The following CLSTN2 variants were observed in gnomAD, a reference collection of about 807,000 sequenced individuals.
CLSTN2 encodes the protein calsyntenin 2.
CLSTN2 carries 48 observed loss-of-function variants against 101.2 expected under a neutral mutation model. That is an observed-to-expected ratio of 0.47 (90% CI 0.38 to 0.60). The LOEUF is 0.60. Among genes scored for constraint, CLSTN2 ranks in the 20% least tolerant of loss-of-function variants. The pLI is 0.00. For synonymous variants in CLSTN2, 481 were observed against 463.6 expected, an observed-to-expected ratio of 1.04 and a Z score of -0.48; for missense variants, 1,160 against 1,238.2, an observed-to-expected ratio of 0.94 and a Z score of 0.95.
At chr3:140,415,248 C>T (rs1463096756) in intron 4 of CLSTN2, among the ~76,000 whole-genome samples, 1 of 151,846 alleles carries the variant, frequency 6.6e-6, no homozygotes, top group African/African-American at 2.4e-5. Flanking sequence ...GAAGAAAATA[C>T]AGGGAGAAGG....
intron 1 of CLSTN2, among the ~76,000 whole-genome samples, chr3:140,002,570 T>C (rs1244663524): frequency 6.6e-6 from 1 of 152,206 alleles, no homozygotes; most frequent in Admixed American, 6.5e-5. Flanking sequence ...TTTGATGTGA[T>C]CTCATTGCTT....
intron 8 of CLSTN2, among the ~76,000 whole-genome samples, chr3:140,524,924 G>C (rs541838059): frequency 1.3e-5 from 2 of 152,282 alleles, no homozygotes; most frequent in South Asian, 4.1e-4. Flanking sequence ...ACTTACCAAA[G>C]TCTTTGGATG....
intron 10 of CLSTN2, among the ~76,000 whole-genome samples, chr3:140,547,474 A>T (rs1162685721): frequency 6.6e-6 from 1 of 151,830 alleles, no homozygotes; most frequent in Non-Finnish European, 1.5e-5. Flanking sequence ...ACTCCATCTT[A>T]AAAAAAAGAG....
intron 2 of CLSTN2, among the ~76,000 whole-genome samples, chr3:140,229,741 A>G (rs2086354367): frequency 6.6e-6 from 1 of 152,144 alleles, no homozygotes; most frequent in Non-Finnish European, 1.5e-5. Context: ...GGGCTGCATC[A>G]GACCCAGTTT....
chr3:140,296,439 A>G (rs571962579), intron 2 of CLSTN2, among the ~76,000 whole-genome samples: 267 of 152,372 alleles, frequency 1.8e-3, no homozygotes, highest in Non-Finnish European at 3.1e-3. Flanking sequence ...GCCCTAACAG[A>G]AAATGATACG....
chr3:140,265,006 G>GTGTGTGCTGGCCACATAAAGTATTA (rs2086683344), intron 2 of CLSTN2, among the ~76,000 whole-genome samples: 1 of 152,062 alleles, frequency 6.6e-6, no homozygotes, highest in African/African-American at 2.4e-5. Flanking sequence ...ATAAAGTATT[G>GTGTGTGCTGGCCACATAAAGTATTA]AGTGTGTGCT....
chr3:140,010,730 A>G (rs2007055485), intron 1 of CLSTN2, among the ~76,000 whole-genome samples: 1 of 152,194 alleles, frequency 6.6e-6, no homozygotes, highest in Non-Finnish European at 1.5e-5. Flanking sequence ...AACTGTTGTG[A>G]GGTCTTCAGC....
intron 1 of CLSTN2, among the ~76,000 whole-genome samples, chr3:139,939,616 A>G (rs1279577085): frequency 3.3e-5 from 5 of 152,212 alleles, no homozygotes; most frequent in Non-Finnish European, 4.4e-5. Flanking sequence ...TGCTCTCACC[A>G]TGGAAACCAA....
At chr3:139,979,879 G>A (rs1186797192) in intron 1 of CLSTN2, among the ~76,000 whole-genome samples, 1 of 152,034 alleles carries the variant, frequency 6.6e-6, no homozygotes, top group East Asian at 1.9e-4. Flanking sequence ...CCCTCGCCTA[G>A]TGTTCCCTAT....
chr3:140,254,275 C>A (rs2086587527), intron 2 of CLSTN2, among the ~76,000 whole-genome samples: 1 of 152,124 alleles, frequency 6.6e-6, no homozygotes. Context: ...TGAGGGGATT[C>A]TGCACCAGAG....
intron 2 of CLSTN2, among the ~76,000 whole-genome samples, chr3:140,363,896 G>T (rs762259379): frequency 4.9e-4 from 74 of 152,330 alleles, no homozygotes; most frequent in Non-Finnish European, 1.9e-4. Context: ...ATGAGGAGCA[G>T]TAGGAGGCAG....
intron 2 of CLSTN2, among the ~76,000 whole-genome samples, chr3:140,194,792 C>T (rs546824582): frequency 1.3e-5 from 2 of 152,280 alleles, no homozygotes; most frequent in Admixed American, 1.3e-4. Flanking sequence ...GAAGTTCCAG[C>T]TTCTCATATG....
intron 1 of CLSTN2, among the ~76,000 whole-genome samples, chr3:140,144,848 T>C (rs1216542327): frequency 6.6e-6 from 1 of 152,220 alleles, no homozygotes; most frequent in Non-Finnish European, 1.5e-5. Context: ...CCTCTGGGCC[T>C]TTGCATGTGA....
chr3:140,028,612 A>C (rs1173981920), intron 1 of CLSTN2, among the ~76,000 whole-genome samples: 2 of 152,208 alleles, frequency 1.3e-5, no homozygotes, highest in Non-Finnish European at 1.5e-5. Context: ...GGGTGAAAGA[A>C]TTGCAAGAAT....
Position 140,046,652 on chromosome 3 carries a change from C to T in CLSTN2, c.109+111169C>T, listed in dbSNP as rs898413728. On this transcript the variant is annotated intron_variant, in intron 1 of 16. Coordinates refer to ENST00000458420, the MANE Select transcript of CLSTN2 (RefSeq NM_022131.3). ...GGCATGTTTTTGCAGTGGCTGGTAC[C>T]GGTTGTTCCTTTCCATGTTTAGGGC... Among the ~76,000 whole-genome samples the T allele has an allele frequency of 5.3e-5, 8 of 152,124 alleles. No homozygotes were observed. In the East Asian group the frequency reaches 1.3e-3, roughly 26 times the overall value.
intron 2 of CLSTN2, among the ~76,000 whole-genome samples, chr3:140,213,620 G>A (rs1464372149): frequency 6.6e-6 from 1 of 152,222 alleles, no homozygotes; most frequent in Non-Finnish European, 1.5e-5. Context: ...GCAATTGGTG[G>A]ACAGGGTCCC....
intron 1 of CLSTN2, among the ~76,000 whole-genome samples, chr3:140,135,481 C>T (rs1016520533): frequency 2.0e-5 from 3 of 152,040 alleles, no homozygotes; most frequent in Non-Finnish European, 2.9e-5. Context: ...TTTATATTCT[C>T]GTAGTCTCTA....
At chr3:140,542,571 A>G (rs538459193) in intron 9 of CLSTN2, among the ~76,000 whole-genome samples, 1 of 152,234 alleles carries the variant, frequency 6.6e-6, no homozygotes, top group East Asian at 1.9e-4. Flanking sequence ...TTTTTTTTTA[A>G]ATCCTGCATC....
intron 2 of CLSTN2, among the ~76,000 whole-genome samples, chr3:140,337,107 C>T (rs545894345): frequency 6.6e-6 from 1 of 152,338 alleles, no homozygotes; most frequent in Admixed American, 6.5e-5. Flanking sequence ...TTCTTGGGAG[C>T]TGTCACTCAG....
Sources: allele counts gnomAD v4.1 joint callset (sites outside exome capture counted in the v4.1 genomes callset), GRCh38; gene constraint gnomAD v4.1.1; transcripts MANE v1.5; gene names NCBI Gene and HGNC (gene_info 2026-07-23, HGNC 2026-07-21).